The following ACAP1 variants were observed in gnomAD, a reference collection of about 807,000 sequenced individuals.
ACAP1 encodes the protein arf-GAP with coiled-coil, ANK repeat and PH domain-containing protein 1.
ACAP1 carries 45 observed loss-of-function variants against 98.8 expected under a neutral mutation model. The ratio of observed to expected loss-of-function variants is 0.46; its 90% CI spans 0.36 to 0.58. ACAP1 has a LOEUF of 0.58. Ranked by LOEUF, ACAP1 falls within the 20% of genes least tolerant of loss-of-function variation. ACAP1 has a pLI of 0.00. For synonymous variants in ACAP1, 362 were observed against 375.3 expected (o/e 0.96, Z 0.41); for missense variants, 735 against 971.4 (o/e 0.76, Z 3.24).
intron 14 of ACAP1, 125 bp from the exon 15 acceptor site, chr17:7,347,797 T>C: frequency 2.6e-6 from 2 of 758,426 alleles, no homozygotes; most frequent in Non-Finnish European, 4.5e-6. Flanking sequence ...CCCTGCCTCC[T>C]GGGCCAGCAC....
chr17:7,345,117 T>C (rs1342522111), intron 10 of ACAP1, among the ~76,000 whole-genome samples: 1 of 151,864 alleles, frequency 6.6e-6, no homozygotes, highest in African/African-American at 2.4e-5. Flanking sequence ...CATGAGTCAT[T>C]ATAGGGCCCT....
intron 17 of ACAP1, 147 bp downstream of exon 17, chr17:7,348,622 A>C: frequency 1.1e-6 from 1 of 880,226 alleles, no homozygotes; most frequent in Non-Finnish European, 1.6e-6. Flanking sequence ...GTTACGGTGG[A>C]GTGTGACATT....
chr17:7,350,512 C>A lies in ACAP1; in HGVS notation c.2072+275C>A, dbSNP rs1208558110. ...TTCGCCCATCAACATTGCTGTCAGG[C>A]ATCTTTTTAGCACTAGACGTGACCC... On this transcript the variant is annotated intron_variant, in intron 20 of 21. Transcript: ENST00000158762. The surrounding 1 kb of genome is among the most constrained non-coding windows in gnomAD (Gnocchi z 4.6). 1.9e-6 allele frequency: 1 copy of A among 532,178 alleles called. No homozygotes were observed. Among genetic ancestry groups the A allele is most frequent in the Non-Finnish European group, 3.4e-6 (1 of 298,128 alleles). 33.0% of individuals were successfully genotyped at this position (532,178 alleles called of 1,614,324 possible).
At chr17:7,347,537 G>C (rs1160175967) in intron 14 of ACAP1, 1 of 512,938 alleles carries the variant, frequency 1.9e-6, no homozygotes, top group Non-Finnish European at 3.5e-6. Flanking sequence ...AGCCAGTGAA[G>C]ACTAGGCAGA....
Position 7,349,065 on chromosome 17 carries a change from A to G in ACAP1, c.1749A>G (p.Pro583=), listed in dbSNP as rs1054779773. ...ALLFRASGHP[P]SLPTMADALA... is the part of the protein sequence containing the mutation. ...TGTTTCGAGCGTCTGGGCATCCTCC[A>G]TCTCTTCCCACCATGGCTGATGCCC... Residue 583 remains proline (P), a synonymous_variant, in exon 18 of 22, where the codon CCA becomes CCG. Coordinates refer to ENST00000158762, the MANE Select transcript of ACAP1 (RefSeq NM_014716.4). The G allele has an allele frequency of 6.2e-7, 1 of 1,613,848 alleles. No homozygotes were observed. Among genetic ancestry groups the G allele is most frequent in the African/African-American group, 1.3e-5 (1 of 74,920 alleles).
Position 7,343,265 on chromosome 17 carries a change from G to T in ACAP1, c.345-114G>T. 8.9e-7 allele frequency: 1 copy of T among 1,119,730 alleles called. No individual in the cohort carries two copies. Among genetic ancestry groups the T allele is most frequent in the Non-Finnish European group, 1.3e-6 (1 of 782,924 alleles). The allele number at this position is 1,119,730 out of a possible 1,614,324, so 69.4% of individuals were successfully genotyped here. ...TGACTTCCGTCCCAGGGATCACCTTGGGTTTCCCACGTTGCAGAGACTAAC... is the reference window on the plus strand; with the variant it reads ...TGACTTCCGTCCCAGGGATCACCTTTGGTTTCCCACGTTGCAGAGACTAAC... On this transcript the variant is annotated intron_variant, in intron 5 of 21. Transcript: ENST00000158762. This position sits in a 1 kb window ranked among gnomAD's most constrained non-coding sequence, Gnocchi z 4.9.
rs1303543016 is a variant in ACAP1 at position 7,350,765 on chromosome 17, C to G, written c.2073-185C>G. On this transcript the variant is annotated intron_variant, in intron 20 of 21. Coordinates refer to ENST00000158762, the MANE Select transcript of ACAP1 (RefSeq NM_014716.4). The surrounding 1 kb of genome is among the most constrained non-coding windows in gnomAD (Gnocchi z 4.6). ...AGCTGGGACTACAGGCGTGCGCCACCACCCCCGGCTAATTTTTTGTATTTT... is the reference window on the plus strand; with the variant it reads ...AGCTGGGACTACAGGCGTGCGCCACGACCCCCGGCTAATTTTTTGTATTTT... 1.9e-5 allele frequency: 11 copies of G among 567,702 alleles called. No homozygotes were observed. The highest frequency in any genetic ancestry group is 3.1e-5 in the Non-Finnish European group (10 of 317,952). 35.2% of individuals were successfully genotyped at this position (567,702 alleles called of 1,614,324 possible).
rs753810257 is a variant in ACAP1, at chr17:7,347,246, A to G, written c.1343+4A>G. ...TTCAGTGTTCCGGCATCCACAGGTT[A>G]CTCCACAAGGCCCATGCGGGAGCCC... On this transcript the variant is annotated splice_donor_region_variant and intron_variant, in intron 14 of 21. Transcript: ENST00000158762. 1.2e-6 allele frequency: 2 copies of G among 1,609,722 alleles called. No individual in the cohort carries two copies. Among genetic ancestry groups the G allele is most frequent in the Non-Finnish European group, 8.5e-7 (1 of 1,177,160 alleles).
chr17:7,346,592 C>A (rs2073348633), intron 12 of ACAP1, 101 bp downstream of exon 12: 1 of 1,252,198 alleles, frequency 8.0e-7, no homozygotes, highest in Non-Finnish European at 1.1e-6. Context: ...CAGCTCCAGA[C>A]TTTAATTTAA....
intron 11 of ACAP1, 28 bp downstream of exon 11, chr17:7,346,323 G>T: frequency 1.2e-6 from 2 of 1,614,052 alleles, no homozygotes; most frequent in South Asian, 2.2e-5. Context: ...CTGGATGCCT[G>T]GGCCCCAGGG....
Position 7,343,825 on chromosome 17 carries a change from T to C in ACAP1, c.574-36T>C, listed in dbSNP as rs1392088734. 1 of 1,613,756 alleles carries C rather than the reference T, an allele frequency of 6.2e-7. No individual in the cohort carries two copies. The highest frequency in any genetic ancestry group is 8.5e-7 in the Non-Finnish European group (1 of 1,179,850). On this transcript the variant is annotated intron_variant, in intron 7 of 21. Transcript: ENST00000158762. The surrounding 1 kb of genome is among the most constrained non-coding windows in gnomAD (Gnocchi z 4.9). ...CACAAGGGAATGGGGAGAGGGGTTC[T>C]TCCTCAGCCTTCCCACTGCCCGCCT...
chr17:7,342,418 G>T lies in ACAP1; in HGVS notation c.288G>T (p.Glu96Asp), dbSNP rs760596687. 6.2e-7 allele frequency: 1 copy of T among 1,614,184 alleles called. No homozygotes were observed. Among genetic ancestry groups the T allele is most frequent in the Non-Finnish European group, 8.5e-7 (1 of 1,180,034 alleles). ...SLNHKLDSHA[E>D]LLDATQHTLQ... ...CTACCAACTTCTCCTTCCCTCAGGAGCTTCTAGATGCCACCCAACACACAC... is the reference window on the plus strand; with the variant it reads ...CTACCAACTTCTCCTTCCCTCAGGATCTTCTAGATGCCACCCAACACACAC... Residue 96 changes from glutamate to aspartate, a missense_variant and splice_region_variant, in exon 5 of 22, where the codon GAG becomes GAT. Coordinates refer to ENST00000158762, the MANE Select transcript of ACAP1 (RefSeq NM_014716.4).
Position 7,348,436 on chromosome 17 carries a change from T to C in ACAP1, c.1639T>C (p.Ser547Pro). The C allele has an allele frequency of 6.7e-7, 1 of 1,501,984 alleles. No individual in the cohort carries two copies. The highest frequency in any genetic ancestry group is 1.4e-5 in the South Asian group (1 of 73,482). 93.0% of individuals were successfully genotyped at this position (1,501,984 alleles called of 1,614,324 possible). A position where few individuals can be genotyped will look rare whatever the true frequency, so the allele number is the denominator to read the frequency against. ...GCAGCCTCCTGTGCCCCCAAAGCCT[T>C]CCATCAGGCCCCGGCCAGGGAGCTT... ...RGQPPVPPKPSIRPRPGSLRS... is the reference protein window; with the variant it reads ...RGQPPVPPKPPIRPRPGSLRS... Residue 547 changes from serine (S) to proline (P), a missense_variant, in exon 17 of 22, where the codon TCC becomes CCC. By Grantham distance (74) the Ser-to-Pro change is moderately conservative. Around this residue, in one of 5 missense-constraint regions of ACAP1, gnomAD observed 80 missense variants for 64.4 expected, o/e 1.24. Coordinates refer to ENST00000158762, the MANE Select transcript of ACAP1 (RefSeq NM_014716.4).
intron 2 of ACAP1, among the ~76,000 whole-genome samples, chr17:7,339,784 A>G (rs1234660087): frequency 2.0e-5 from 3 of 152,178 alleles, no homozygotes; most frequent in African/African-American, 7.2e-5. Flanking sequence ...ATCACCACAC[A>G]CCAATGGACA....
chr17:7,348,375 T>G lies in ACAP1; in HGVS notation c.1578T>G (p.Ile526Met). 1 of 1,572,886 alleles carries G rather than the reference T, an allele frequency of 6.4e-7. No homozygotes were observed. Among genetic ancestry groups the G allele is most frequent in the Non-Finnish European group, 8.6e-7 (1 of 1,157,300 alleles). Residue 526 changes from isoleucine (I) to methionine (M), a missense_variant, in exon 17 of 22, where the codon ATT becomes ATG. Physicochemically the swap from Ile to Met is conservative, Grantham distance 10 (BLOSUM62 1). Around this residue, in one of 5 missense-constraint regions of ACAP1, gnomAD observed 80 missense variants for 64.4 expected, o/e 1.24. Transcript: ENST00000158762. ...AGTTCCTGACCAAGCTGCCTGAGAT[T>G]CGAGGGCGAAGAGGTGGCCGGGGGC... The part of the protein sequence containing the change: ...EKKFLTKLPE[I>M]RGRRGGRGRP...
In ACAP1 at chr17:7,347,928, T is replaced by C; in HGVS notation, c.1350T>C (p.Leu450=). 1 of 1,613,942 alleles carries C rather than the reference T, an allele frequency of 6.2e-7. No individual in the cohort carries two copies. The highest frequency in any genetic ancestry group is 1.1e-5 in the South Asian group (1 of 91,080). The change falls in exon 15 of 22, where the codon CTT becomes CTC. Residue 450 remains leucine, a synonymous_variant. Coordinates refer to ENST00000158762, the MANE Select transcript of ACAP1 (RefSeq NM_014716.4). ...CIQCSGIHRS[L]GVHFSKVRSL... ...TCCCCCTCTGGCCCTCCAGGAGCCT[T>C]GGTGTTCACTTCTCCAAAGTCCGGT... is the stretch of plus-strand genomic sequence containing the variant.
At chr17:7,340,000 C>A (rs1242600928) in intron 2 of ACAP1, among the ~76,000 whole-genome samples, 1 of 152,168 alleles carries the variant, frequency 6.6e-6, no homozygotes, top group African/African-American at 2.4e-5. Flanking sequence ...GTCGCTCATG[C>A]CTGTCATCCC....
At position 7,343,993 on chromosome 17, in the gene ACAP1, T is replaced by A. The variant is rs1597651407; in HGVS notation, c.669+37T>A. On this transcript the variant is annotated intron_variant, in intron 8 of 21. Coordinates refer to ENST00000158762, the MANE Select transcript of ACAP1 (RefSeq NM_014716.4). This position sits in a 1 kb window ranked among gnomAD's most constrained non-coding sequence, Gnocchi z 4.9. ...GGGCACAGCAGGTGGTAGAGGGAGG[T>A]TAGGGACTCCTAACTGGGGGGCCTT... The A allele has an allele frequency of 6.4e-7, 1 of 1,572,936 alleles. No homozygotes were observed. Among genetic ancestry groups the A allele is most frequent in the African/African-American group, 1.4e-5 (1 of 73,006 alleles).
chr17:7,343,144 G>C lies in ACAP1; in HGVS notation c.345-235G>C. On this transcript the variant is annotated intron_variant, in intron 5 of 21. Coordinates refer to ENST00000158762, the MANE Select transcript of ACAP1 (RefSeq NM_014716.4). This position sits in a 1 kb window ranked among gnomAD's most constrained non-coding sequence, Gnocchi z 4.9. The stretch of plus-strand genomic sequence containing the variant: ...GGGGAGTGAGATGGGAGAGAAGGGG[G>C]CCTTATTTCTCGGAAACCAGCCCTG... The C allele has an allele frequency of 2.1e-6, 1 of 473,028 alleles. No individual in the cohort carries two copies. The highest frequency in any genetic ancestry group is 3.7e-6 in the Non-Finnish European group (1 of 268,684). The allele number at this position is 473,028 out of a possible 1,614,324, so 29.3% of individuals were successfully genotyped here. A position where few individuals can be genotyped will look rare whatever the true frequency, so the allele number is the denominator to read the frequency against.
Sources: allele counts gnomAD v4.1 joint callset (sites outside exome capture counted in the v4.1 genomes callset), GRCh38; gene constraint gnomAD v4.1.1; regional missense constraint gnomAD v4.1.1; non-coding constraint Gnocchi (gnomAD v3.1); transcripts MANE v1.5; gene names NCBI Gene and HGNC (gene_info 2026-07-23, HGNC 2026-07-21).